The following PCYT1A variants were observed in gnomAD, a reference collection of about 807,000 sequenced individuals.
PCYT1A encodes phosphate cytidylyltransferase 1A, choline, also known as choline-phosphate cytidylyltransferase A.
PCYT1A carries 25 observed loss-of-function variants against 43.7 expected under a neutral mutation model. The ratio of observed to expected loss-of-function variants is 0.57; its 90% CI spans 0.42 to 0.80. The LOEUF is 0.80. Ranked by LOEUF, PCYT1A falls within the 30% of genes least tolerant of loss-of-function variation. PCYT1A has a pLI of 0.00. For missense variants in PCYT1A, 421 were observed against 474.2 expected (o/e 0.89, Z 1.04); for synonymous variants, 172 against 170.7 (o/e 1.01, Z -0.06).
chr3:196,261,681 T>A (rs532728043), intron 2 of PCYT1A, among the ~76,000 whole-genome samples: 6 of 151,532 alleles, frequency 4.0e-5, no homozygotes, highest in Admixed American at 2.6e-4. Context: ...TCCCAGCTAC[T>A]CGGGAGGCTG....
At chr3:196,283,524 G>A (rs1205784075) in intron 1 of PCYT1A, 1 of 152,030 alleles carries the variant, frequency 6.6e-6, no homozygotes, top group Non-Finnish European at 1.5e-5. Context: ...TTCTGAGGTG[G>A]CGCTTCGGCA....
At position 196,266,761 on chromosome 3, in the gene PCYT1A, C is replaced by T. The variant is rs548266187; in HGVS notation, c.117+3654G>A. ...AAAAATTAGCCAGGCGTGGTGGCGG[C>T]GCATGCCTGTAGTCCCAGTTACTCA... On this transcript the variant is annotated intron_variant, in intron 2 of 8. Transcript: ENST00000431016. 1.3e-3 allele frequency among the ~76,000 whole-genome samples: 202 copies of T among 151,664 alleles called. 2 individuals carry two copies. Among genetic ancestry groups the T allele is most frequent in the Non-Finnish European group, 2.5e-3 (167 of 67,878 alleles).
intron 2 of PCYT1A, among the ~76,000 whole-genome samples, chr3:196,266,588 TA>T (rs988076451): frequency 4.8e-5 from 7 of 146,650 alleles, no homozygotes; most frequent in East Asian, 2.0e-4. Flanking sequence ...TATTTGTCAA[TA>T]AAAAAAAAAT....
intron 1 of PCYT1A, among the ~76,000 whole-genome samples, chr3:196,275,422 A>G (rs1725555897): frequency 1.3e-5 from 2 of 152,224 alleles, no homozygotes; most frequent in Admixed American, 6.5e-5. Context: ...GGAGATGTCG[A>G]GTACAAAAAT....
At chr3:196,260,811 G>A (rs968905877) in intron 2 of PCYT1A, among the ~76,000 whole-genome samples, 4 of 152,254 alleles carry the variant, frequency 2.6e-5, no homozygotes, top group Admixed American at 6.5e-5. Context: ...TACCGTACTC[G>A]TCTGGGAGAT....
Position 196,242,486 on chromosome 3 carries a change from C to T in PCYT1A, c.565+76G>A, listed in dbSNP as rs751680304. The T allele has an allele frequency of 2.0e-5, 20 of 979,414 alleles. No individual in the cohort carries two copies. Among genetic ancestry groups the T allele is most frequent in the Admixed American group, 1.9e-4 (11 of 59,000 alleles). 60.7% of individuals were successfully genotyped at this position (979,414 alleles called of 1,614,324 possible). A position where few individuals can be genotyped will look rare whatever the true frequency, so the allele number is the denominator to read the frequency against. ...GAATTTCTAATGTACACATTTTCCT[C>T]TGTAAAGCAGCAACATGGCTGAACA... is the stretch of plus-strand genomic sequence containing the variant. On this transcript the variant is annotated intron_variant, in intron 6 of 8. Transcript: ENST00000431016. The surrounding 1 kb of genome is among the most constrained non-coding windows in gnomAD (Gnocchi z 4.2).
rs150420304 is a variant in PCYT1A, at chr3:196,258,015, C to T, written c.118-128G>A. 2.5e-5 allele frequency: 14 copies of T among 566,526 alleles called. No homozygotes were observed. In the East Asian group the frequency reaches 3.2e-4, roughly 13 times the overall value. The allele number at this position is 566,526 out of a possible 1,614,324, so 35.1% of individuals were successfully genotyped here. On this transcript the variant is annotated intron_variant, in intron 2 of 8. Coordinates refer to ENST00000431016, the MANE Select transcript of PCYT1A (RefSeq NM_001312673.2). ...ATAGATGGCTTCGTTTAAGAGATTT[C>T]GTTATTCCCGCCTGTAATCCCAGCA...
At chr3:196,272,318 G>A (rs934384152) in intron 1 of PCYT1A, among the ~76,000 whole-genome samples, 10 of 152,014 alleles carry the variant, frequency 6.6e-5, no homozygotes, top group African/African-American at 2.4e-4. Flanking sequence ...CTGAGTAGGT[G>A]GGATTACAGG....
rs950026340 is a variant in PCYT1A, at chr3:196,273,330, C to A, written c.-10-2789G>T. ...TTTCTGTTGCCCACAGCGTGGCAAG[C>A]AGTGGGGGAGGGGAGGACGTGTTTC... On this transcript the variant is annotated intron_variant, in intron 1 of 8. Transcript: ENST00000431016. This position sits in a 1 kb window ranked among gnomAD's most constrained non-coding sequence, Gnocchi z 4.1. Among the ~76,000 whole-genome samples the A allele has an allele frequency of 2.0e-5, 3 of 152,200 alleles. No homozygotes were observed. The highest frequency in any genetic ancestry group is 7.2e-5 in the African/African-American group (3 of 41,448).
intron 1 of PCYT1A, among the ~76,000 whole-genome samples, chr3:196,272,484 A>G (rs1725462291): frequency 6.6e-6 from 1 of 151,836 alleles, no homozygotes; most frequent in Non-Finnish European, 1.5e-5. Context: ...GCGCCTAGCC[A>G]ATTTTTGTAT....
rs1241246138 is a variant in PCYT1A at position 196,237,592 on chromosome 3, A to T, written c.*1096T>A. 2 of 152,296 alleles carry T rather than the reference A, an allele frequency of 1.3e-5. No individual in the cohort carries two copies. Among genetic ancestry groups the T allele is most frequent in the African/African-American group, 4.8e-5 (2 of 41,476 alleles). 9.4% of individuals were successfully genotyped at this position (152,296 alleles called of 1,614,324 possible). Reference sequence around the variant, plus strand: ...ATGTTCTGAAGAGGGACAGAGGTCAAGGTGATAAGGCTGTTGCTTTAGAAA... The same window carrying T: ...ATGTTCTGAAGAGGGACAGAGGTCATGGTGATAAGGCTGTTGCTTTAGAAA... On this transcript the variant is annotated 3_prime_UTR_variant, in exon 9 of 9. Transcript: ENST00000431016.
At chr3:196,253,464 G>T (rs532637683) in intron 3 of PCYT1A, among the ~76,000 whole-genome samples, 2 of 152,240 alleles carry the variant, frequency 1.3e-5, no homozygotes, top group South Asian at 4.1e-4. Context: ...ACAAGGGATA[G>T]AATATACAAA....
chr3:196,248,374 T>G (rs1162151652), intron 3 of PCYT1A, 51 bp from the exon 4 acceptor site: 3 of 1,123,146 alleles, frequency 2.7e-6, no homozygotes, highest in Non-Finnish European at 4.0e-6. Flanking sequence ...TTTTTGTCAT[T>G]TTTATTTTTA....
At chr3:196,271,057 C>T (rs1042813031) in intron 1 of PCYT1A, among the ~76,000 whole-genome samples, 17 of 152,312 alleles carry the variant, frequency 1.1e-4, no homozygotes, top group South Asian at 4.1e-4. Context: ...CGGGGTCTCA[C>T]TCTGTTGCCC....
In PCYT1A at chr3:196,270,540, A is replaced by C. The variant is rs761131365; in HGVS notation, c.-9T>G. On this transcript the variant is annotated splice_region_variant and 5_prime_UTR_variant, in exon 2 of 9. Transcript: ENST00000431016. ...GAACACTGTGCATCCATCTTCTTTT[A>C]ACTGGTCATAGAAAGTGAAAACAAA... 1 of 1,601,214 alleles carries C rather than the reference A, an allele frequency of 6.2e-7. No homozygotes were observed. Among genetic ancestry groups the C allele is most frequent in the South Asian group, 1.1e-5 (1 of 90,796 alleles).
rs1724217108 is a variant in PCYT1A, at chr3:196,237,914, G to T, written c.*774C>A. 6.6e-6 allele frequency: 1 copy of T among 152,254 alleles called. No individual in the cohort carries two copies. The highest frequency in any genetic ancestry group is 2.4e-5 in the African/African-American group (1 of 41,454). 9.4% of individuals were successfully genotyped at this position (152,254 alleles called of 1,614,324 possible). On this transcript the variant is annotated 3_prime_UTR_variant, in exon 9 of 9. Coordinates refer to ENST00000431016, the MANE Select transcript of PCYT1A (RefSeq NM_001312673.2). The stretch of plus-strand genomic sequence containing the variant: ...GAAGGTAGATGGCACGAAAGAGACT[G>T]ACAAAAGCTCCCAAAGAACTGGGTC...
At position 196,282,547 on chromosome 3, in the gene PCYT1A, A is replaced by T. The variant is rs2108783767; in HGVS notation, c.-11+5068T>A. ...TTATTAGACAAATGGATTTGTTACC[A>T]GTAGAAATCATGGATATTTTCATAC... On this transcript the variant is annotated intron_variant, in intron 1 of 8. Coordinates refer to ENST00000431016, the MANE Select transcript of PCYT1A (RefSeq NM_001312673.2). The surrounding 1 kb of genome is among the most constrained non-coding windows in gnomAD (Gnocchi z 4.3). Among the ~76,000 whole-genome samples the T allele has an allele frequency of 6.6e-6, 1 of 152,360 alleles. No homozygotes were observed. The highest frequency in any genetic ancestry group is 2.1e-4 in the South Asian group (1 of 4,832).
rs1329963369 is a variant in PCYT1A at position 196,247,767 on chromosome 3, G to C, written c.335-249C>G. The C allele has an allele frequency of 4.7e-6, 3 of 639,006 alleles. No homozygotes were observed. Among genetic ancestry groups the C allele is most frequent in the Non-Finnish European group, 8.6e-6 (3 of 347,872 alleles). 39.6% of individuals were successfully genotyped at this position (639,006 alleles called of 1,614,324 possible). A position where few individuals can be genotyped will look rare whatever the true frequency, so the allele number is the denominator to read the frequency against. On this transcript the variant is annotated intron_variant, in intron 4 of 8. Transcript: ENST00000431016. The surrounding 1 kb of genome is among the most constrained non-coding windows in gnomAD (Gnocchi z 4.8). ...AAGGGACAGTACAACAGGTGACCAA[G>C]ATCTTTGACTCTGAAATAAACCTGC...
chr3:196,238,866 C>A lies in PCYT1A; in HGVS notation c.926G>T (p.Arg309Leu). The change falls in exon 9 of 9, where the codon CGG becomes CTG. Residue 309 changes from arginine (R) to leucine (L), a missense_variant. Arg to Leu is a moderately radical substitution (Grantham distance 102, BLOSUM62 -2). This residue lies in a region of PCYT1A where 108 missense variants were observed against 85.7 expected (regional missense o/e 1.26). Transcript: ENST00000431016. ...LKHMLKEGKGRMLQAISPKQS... is the reference protein window; with the variant it reads ...LKHMLKEGKGLMLQAISPKQS... The stretch of plus-strand genomic sequence containing the variant: ...CTTCGGGCTGATGGCCTGCAGCATC[C>A]GGCCCTTCCCCTCTTTCAGCATATG... 6.8e-7 allele frequency: 1 copy of A among 1,473,202 alleles called. No individual in the cohort carries two copies. Among genetic ancestry groups the A allele is most frequent in the Non-Finnish European group, 9.0e-7 (1 of 1,111,044 alleles). The allele number at this position is 1,473,202 out of a possible 1,614,324, so 91.3% of individuals were successfully genotyped here.
Sources: allele counts gnomAD v4.1 joint callset (sites outside exome capture counted in the v4.1 genomes callset), GRCh38; gene constraint gnomAD v4.1.1; regional missense constraint gnomAD v4.1.1; non-coding constraint Gnocchi (gnomAD v3.1); transcripts MANE v1.5; gene names NCBI Gene and HGNC (gene_info 2026-07-23, HGNC 2026-07-21).